Variants in CIT observed in about 807,000 individuals in gnomAD.
CIT encodes the protein citron Rho-interacting kinase.
In CIT, 79 loss-of-function variants were observed where a neutral mutation model predicts 272.7. The ratio of observed to expected loss-of-function variants is 0.29; its 90% CI spans 0.24 to 0.35. CIT has a LOEUF of 0.35. Ranked by LOEUF, CIT falls within the 10% of genes least tolerant of loss-of-function variation. The probability of loss-of-function intolerance (pLI) is 1.00; values close to 1 mark genes in which losing one functional copy is unlikely to be tolerated. For missense variants in CIT, 1,909 were observed against 2,618.3 expected (o/e 0.73, Z 5.91); for synonymous variants, 948 against 995.6 (o/e 0.95, Z 0.90).
chr12:119,863,854 A>G (rs1391157082), intron 3 of CIT, among the ~76,000 whole-genome samples: 1 of 151,906 alleles, frequency 6.6e-6, no homozygotes, highest in East Asian at 1.9e-4. Flanking sequence ...TAGAAAAAAA[A>G]AAAAAAAGAA....
chr12:119,773,494 G>A (rs7136729), intron 16 of CIT, among the ~76,000 whole-genome samples: 68,542 of 151,624 alleles, frequency 0.45, 16,196 homozygotes, highest in Admixed American at 0.57. Flanking sequence ...GTGCAATGGC[G>A]CAATCTCAGC....
chr12:119,691,001 G>A (rs1239918743), intron 46 of CIT, among the ~76,000 whole-genome samples: 2 of 152,012 alleles, frequency 1.3e-5, no homozygotes, highest in East Asian at 1.9e-4. Flanking sequence ...GTGAAACCCC[G>A]TCTCTACTAA....
rs1293606073 is a variant in CIT at position 119,770,656 on chromosome 12, C to G, written c.2208+129G>C. Reference sequence around the variant, plus strand: ...CTCTACGATGTGGCATATGCTGAAACCACCTCACTCAATTCATCTACTTGG... The same window carrying G: ...CTCTACGATGTGGCATATGCTGAAAGCACCTCACTCAATTCATCTACTTGG... On this transcript the variant is annotated intron_variant, in intron 18 of 47. Coordinates refer to ENST00000392521, the MANE Select transcript of CIT (RefSeq NM_001206999.2). The surrounding 1 kb of genome is among the most constrained non-coding windows in gnomAD (Gnocchi z 4.4). 6 of 1,061,864 alleles carry G rather than the reference C, an allele frequency of 5.7e-6. No individual in the cohort carries two copies. The highest frequency in any genetic ancestry group is 1.5e-5 in the South Asian group (1 of 66,880). 65.8% of individuals were successfully genotyped at this position (1,061,864 alleles called of 1,614,324 possible).
rs1045330719 is a variant in CIT at position 119,776,237 on chromosome 12, G to A, written c.1887+121C>T. The A allele has an allele frequency of 4.9e-5, 39 of 788,930 alleles. 1 individual carries two copies. The Middle Eastern group carries it at 3.3e-3, about 67-fold the overall frequency. 48.9% of individuals were successfully genotyped at this position (788,930 alleles called of 1,614,324 possible). ...AAGGTGGACTATCAAAATAAGCCTC[G>A]AAGAGAGGTCTCTATTCATTGATGA... On this transcript the variant is annotated intron_variant, in intron 15 of 47. Coordinates refer to ENST00000392521, the MANE Select transcript of CIT (RefSeq NM_001206999.2).
chr12:119,757,536 T>G lies in CIT; in HGVS notation c.2541A>C (p.Gln847His). ...SLFTQRNMKA[Q>H]EEMISELRQQ... ...GCCTGAGTTCAGAAATCATCTCTTC[T>G]TGGGCCTTCCTGGTGGGGGTGGTGG... Residue 847 changes from glutamine (Q) to histidine (H), a missense_variant, in exon 22 of 48, where the codon CAA becomes CAC. Gln to His is a conservative substitution (Grantham distance 24, BLOSUM62 0). Around this residue, in one of 8 missense-constraint regions of CIT, gnomAD observed 530 missense variants for 822.4 expected, o/e 0.64. Coordinates refer to ENST00000392521, the MANE Select transcript of CIT (RefSeq NM_001206999.2). 1 of 1,606,934 alleles carries G rather than the reference T, an allele frequency of 6.2e-7. No individual in the cohort carries two copies. Among genetic ancestry groups the G allele is most frequent in the Non-Finnish European group, 8.5e-7 (1 of 1,176,260 alleles).
At chr12:119,735,462 A>G in intron 24 of CIT, 105 bp from the exon 25 acceptor site, 1 of 1,115,392 alleles carries the variant, frequency 9.0e-7, no homozygotes, top group South Asian at 1.4e-5. Context: ...CTGGCAATCA[A>G]CGTGCCGCTC....
chr12:119,716,974 C>T (rs1159429732), intron 32 of CIT, among the ~76,000 whole-genome samples: 1 of 152,132 alleles, frequency 6.6e-6, no homozygotes, highest in Non-Finnish European at 1.5e-5. Context: ...TTTAATGAAA[C>T]GAAGGTGTCT....
intron 32 of CIT, among the ~76,000 whole-genome samples, chr12:119,714,563 C>T (rs1364697453): frequency 6.6e-6 from 1 of 152,054 alleles, no homozygotes; most frequent in Non-Finnish European, 1.5e-5. Flanking sequence ...GATAAATGGC[C>T]AACGAGCAAA....
rs759459929 is a variant in CIT at position 119,708,186 on chromosome 12, G to A, written c.5204C>T (p.Ala1735Val). The A allele has an allele frequency of 7.0e-6, 11 of 1,580,724 alleles. No individual in the cohort carries two copies. The highest frequency in any genetic ancestry group is 1.4e-5 in the African/African-American group (1 of 73,178). Residue 1735 changes from alanine to valine, a missense_variant, in exon 40 of 48, where the codon GCA (alanine) becomes GTA (valine). Physicochemically the swap from Ala to Val is moderately conservative, Grantham distance 64. Around this residue, in one of 8 missense-constraint regions of CIT, gnomAD observed 780 missense variants for 1,067.2 expected, o/e 0.73. Transcript: ENST00000392521. Reference protein sequence around the residue: ...EAVKGCHLFGAGKIENGLCIC... With the variant: ...EAVKGCHLFGVGKIENGLCIC... Reference sequence around the variant, plus strand: ...ACTCTGAGGGGAGCTTACCTTGCCTGCCCCAAACAAGTGGCAGCCCTTGAC... The same window carrying A: ...ACTCTGAGGGGAGCTTACCTTGCCTACCCCAAACAAGTGGCAGCCCTTGAC...
At chr12:119,853,922 C>A (rs1489684935) in intron 4 of CIT, among the ~76,000 whole-genome samples, 1 of 152,058 alleles carries the variant, frequency 6.6e-6, no homozygotes, top group Non-Finnish European at 1.5e-5. Flanking sequence ...AGGGGTGGCT[C>A]ATGCCTGTAA....
Position 119,752,256 on chromosome 12 carries a change from G to A in CIT, c.2707-9C>T. ...TCGTGCTCTAGACTGACCTGAGACAGAGAGAGAGAGAGAAAGAGAGATAAA... is the reference window on the plus strand; with the variant it reads ...TCGTGCTCTAGACTGACCTGAGACAAAGAGAGAGAGAGAAAGAGAGATAAA... On this transcript the variant is annotated splice_polypyrimidine_tract_variant and intron_variant, in intron 22 of 47. Transcript: ENST00000392521. 5 of 840,962 alleles carry A rather than the reference G, an allele frequency of 5.9e-6. No homozygotes were observed. Among genetic ancestry groups the A allele is most frequent in the Non-Finnish European group, 8.0e-6 (5 of 621,330 alleles). 52.1% of individuals were successfully genotyped at this position (840,962 alleles called of 1,614,324 possible).
At chr12:119,815,898 T>C (rs1593848252) in intron 9 of CIT, among the ~76,000 whole-genome samples, 2 of 152,030 alleles carry the variant, frequency 1.3e-5, no homozygotes, top group East Asian at 3.9e-4. Flanking sequence ...TAACCTTCTG[T>C]ATAATGTGAA....
chr12:119,705,431 G>A (rs1003376828), intron 40 of CIT, among the ~76,000 whole-genome samples: 1 of 152,100 alleles, frequency 6.6e-6, no homozygotes, highest in East Asian at 1.9e-4. Flanking sequence ...GAATGAAGAT[G>A]GGCCGGGATA....
intron 20 of CIT, among the ~76,000 whole-genome samples, chr12:119,759,719 A>T (rs1961505487): frequency 6.6e-6 from 1 of 152,164 alleles, no homozygotes. Flanking sequence ...GTTTTATCTC[A>T]AAACCATCCC....
intron 10 of CIT, among the ~76,000 whole-genome samples, chr12:119,791,464 A>C (rs949709830): frequency 2.0e-5 from 3 of 152,178 alleles, no homozygotes; most frequent in African/African-American, 7.2e-5. Flanking sequence ...TCAGGGGAGT[A>C]ATTAGGTGGG....
chr12:119,869,898 C>T (rs1950618797), intron 2 of CIT, among the ~76,000 whole-genome samples: 1 of 152,212 alleles, frequency 6.6e-6, no homozygotes, highest in African/African-American at 2.4e-5. Context: ...TGAGCTGGAG[C>T]TGAGTAATGC....
At position 119,710,618 on chromosome 12, in the gene CIT, T is replaced by C; in HGVS notation, c.4857A>G (p.Lys1619=). ...VSREKAEADA[K]LLGNSLLKLE... Reference sequence around the variant, plus strand: ...GTTTCAGCAGGGAGTTTCCAAGCAGTTTCTTTTCATAGGTGAAAGAAAAGA... The same window carrying C: ...GTTTCAGCAGGGAGTTTCCAAGCAGCTTCTTTTCATAGGTGAAAGAAAAGA... The change falls in exon 38 of 48, where the codon AAA becomes AAG. Residue 1619 remains lysine (K), a splice_region_variant and synonymous_variant. Coordinates refer to ENST00000392521, the MANE Select transcript of CIT (RefSeq NM_001206999.2). The surrounding 1 kb of genome is among the most constrained non-coding windows in gnomAD (Gnocchi z 5.6). 6.2e-7 allele frequency: 1 copy of C among 1,614,058 alleles called. No homozygotes were observed. Among genetic ancestry groups the C allele is most frequent in the Non-Finnish European group, 8.5e-7 (1 of 1,179,906 alleles).
intron 46 of CIT, among the ~76,000 whole-genome samples, chr12:119,691,105 G>C (rs1443488240): frequency 6.7e-6 from 1 of 150,310 alleles, no homozygotes; most frequent in Non-Finnish European, 1.5e-5. Context: ...TGGGGAGGCG[G>C]AGGTTGCAGT....
chr12:119,710,144 A>G lies in CIT; in HGVS notation c.5071+107T>C. 1.6e-6 allele frequency: 2 copies of G among 1,259,006 alleles called. No individual in the cohort carries two copies. Among genetic ancestry groups the G allele is most frequent in the Non-Finnish European group, 2.2e-6 (2 of 896,108 alleles). 78.0% of individuals were successfully genotyped at this position (1,259,006 alleles called of 1,614,324 possible). A position where few individuals can be genotyped will look rare whatever the true frequency, so the allele number is the denominator to read the frequency against. ...CTATGGGGACACAGAGATAAGAGCT[A>G]CAACGGCTCCTCTCTACTATTTTGT... On this transcript the variant is annotated intron_variant, in intron 39 of 47. Coordinates refer to ENST00000392521, the MANE Select transcript of CIT (RefSeq NM_001206999.2). This position sits in a 1 kb window ranked among gnomAD's most constrained non-coding sequence, Gnocchi z 5.6.
Sources: allele counts gnomAD v4.1 joint callset (sites outside exome capture counted in the v4.1 genomes callset), GRCh38; gene constraint gnomAD v4.1.1; regional missense constraint gnomAD v4.1.1; non-coding constraint Gnocchi (gnomAD v3.1); transcripts MANE v1.5; gene names NCBI Gene and HGNC (gene_info 2026-07-23, HGNC 2026-07-21).